CHRND: variants seen among roughly 807,000 people sequenced by gnomAD.
CHRND encodes cholinergic receptor nicotinic delta subunit.
In CHRND, 40 loss-of-function variants were observed where a neutral mutation model predicts 57.8. The ratio of observed to expected loss-of-function variants is 0.69; its 90% CI spans 0.54 to 0.90. The LOEUF (loss-of-function observed/expected upper bound fraction) is 0.90, where lower values mean the gene tolerates loss of function less well. Among genes scored for constraint, CHRND ranks in the 40% least tolerant of loss-of-function variants. The pLI, the probability that CHRND is intolerant of heterozygous loss-of-function variation, is 0.00. For synonymous variants in CHRND, 237 were observed against 270.6 expected (o/e 0.88, Z 1.22); for missense variants, 634 against 673.9 (o/e 0.94, Z 0.66).
At chr2:232,528,448 C>G in intron 4 of CHRND, 53 bp from the exon 5 acceptor site, 6 of 1,614,020 alleles carry the variant, frequency 3.7e-6, no homozygotes, top group Non-Finnish European at 5.1e-6. Context: ...TCCCCCAACT[C>G]TGCCAGTCGT....
At chr2:232,530,257 C>G (rs927227913) in intron 7 of CHRND, 118 bp downstream of exon 7, 11 of 1,086,596 alleles carry the variant, frequency 1.0e-5, no homozygotes, top group African/African-American at 9.3e-5. Flanking sequence ...ATTCCTGGAG[C>G]TCCCTGCCTG....
chr2:232,535,838 C>G lies in CHRND; in HGVS notation c.*526C>G, dbSNP rs1293537594. The stretch of plus-strand genomic sequence containing the variant: ...CTTTCCTAGCTCTTTCTGCCTTGAC[C>G]TCTCTGCCTAGGTCCCTTTGGGAAG... On this transcript the variant is annotated 3_prime_UTR_variant, in exon 12 of 12. Transcript: ENST00000258385. 2.2e-6 allele frequency: 1 copy of G among 454,176 alleles called. No homozygotes were observed. Among genetic ancestry groups the G allele is most frequent in the East Asian group, 7.0e-5 (1 of 14,382 alleles). The allele number at this position is 454,176 out of a possible 1,614,324, so 28.1% of individuals were successfully genotyped here.
chr2:232,529,784 C>T (rs911621593), intron 6 of CHRND, among the ~76,000 whole-genome samples, 155 bp from the exon 7 acceptor site: 4 of 152,176 alleles, frequency 2.6e-5, no homozygotes, highest in African/African-American at 9.7e-5. Flanking sequence ...TCCATCCCGA[C>T]CCCCCAGGGA....
At chr2:232,527,171 G>T (rs4973536) in intron 2 of CHRND, among the ~76,000 whole-genome samples, 5 of 151,786 alleles carry the variant, frequency 3.3e-5, no homozygotes, top group Non-Finnish European at 5.9e-5. Context: ...TGATGGTGTG[G>T]GCCTATAATC....
rs1691789185 is a variant in CHRND, at chr2:232,533,793, C to T, written c.1048-138C>T. 3.4e-6 allele frequency: 3 copies of T among 879,866 alleles called. No homozygotes were observed. In the African/African-American group the frequency reaches 4.9e-5, roughly 14 times the overall value. The allele number at this position is 879,866 out of a possible 1,614,324, so 54.5% of individuals were successfully genotyped here. A position where few individuals can be genotyped will look rare whatever the true frequency, so the allele number is the denominator to read the frequency against. On this transcript the variant is annotated intron_variant, in intron 9 of 11. Coordinates refer to ENST00000258385, the MANE Select transcript of CHRND (RefSeq NM_000751.3). ...CTTGGGAGACTGAGGCAAGAAATCA[C>T]TTGAACCCGAGAGGTGGAGGTTGCA... is the stretch of plus-strand genomic sequence containing the variant.
At chr2:232,531,685 A>C in intron 9 of CHRND, 29 bp downstream of exon 9, 17 of 1,575,948 alleles carry the variant, frequency 1.1e-5, no homozygotes, top group Non-Finnish European at 1.5e-5. Flanking sequence ...GCAAAAGCTC[A>C]CCACTGTAAT....
chr2:232,527,668 C>G lies in CHRND; in HGVS notation c.243+223C>G, dbSNP rs1015617731. Among the ~76,000 whole-genome samples, 2 of 152,168 alleles carry G rather than the reference C, an allele frequency of 1.3e-5. 1 individual carries two copies. On this transcript the variant is annotated intron_variant, in intron 3 of 11. Coordinates refer to ENST00000258385, the MANE Select transcript of CHRND (RefSeq NM_000751.3). ...CTGAGGCAGGAGAATGGTGTGAACG[C>G]AGGAGGCGGAGCTTGCAGTGAGCCG...
At position 232,526,168 on chromosome 2, in the gene CHRND, G is replaced by C; in HGVS notation, c.-48G>C. 4 of 1,284,482 alleles carry C rather than the reference G, an allele frequency of 3.1e-6. No homozygotes were observed. Among genetic ancestry groups the C allele is most frequent in the Non-Finnish European group, 4.5e-6 (4 of 897,142 alleles). 79.6% of individuals were successfully genotyped at this position (1,284,482 alleles called of 1,614,324 possible). On this transcript the variant is annotated 5_prime_UTR_variant, in exon 1 of 12. Transcript: ENST00000258385. Reference sequence around the variant, plus strand: ...CTCTCCCGCCCACCCTCATTCCACAGCCCTGTAGACAGGAGGGGCAGATGC... The same window carrying C: ...CTCTCCCGCCCACCCTCATTCCACACCCCTGTAGACAGGAGGGGCAGATGC...
chr2:232,531,832 T>G (rs1432255423), intron 9 of CHRND, among the ~76,000 whole-genome samples, 176 bp downstream of exon 9: 1 of 150,138 alleles, frequency 6.7e-6, no homozygotes, highest in Non-Finnish European at 1.5e-5. Context: ...ATGCTTGTAT[T>G]CCCAGCTACT....
In CHRND at chr2:232,536,166, G is replaced by C. The variant is rs2106216872; in HGVS notation, c.*854G>C. 1 of 454,164 alleles carries C rather than the reference G, an allele frequency of 2.2e-6. No individual in the cohort carries two copies. The highest frequency in any genetic ancestry group is 1.6e-5 in the South Asian group (1 of 64,476). The allele number at this position is 454,164 out of a possible 1,614,324, so 28.1% of individuals were successfully genotyped here. A position where few individuals can be genotyped will look rare whatever the true frequency, so the allele number is the denominator to read the frequency against. ...CTGAGGGCCAAAGGCCAAGGCTGCAGGAATTGGGAGACAAGGGTCTGTTTG... is the reference window on the plus strand; with the variant it reads ...CTGAGGGCCAAAGGCCAAGGCTGCACGAATTGGGAGACAAGGGTCTGTTTG... On this transcript the variant is annotated 3_prime_UTR_variant, in exon 12 of 12. Coordinates refer to ENST00000258385, the MANE Select transcript of CHRND (RefSeq NM_000751.3).
At chr2:232,531,924 G>A (rs1374300049) in intron 9 of CHRND, among the ~76,000 whole-genome samples, 1 of 127,328 alleles carries the variant, frequency 7.9e-6, no homozygotes, top group Non-Finnish European at 1.6e-5. Context: ...TCCAGCCTGG[G>A]CAACAGAGTG....
intron 7 of CHRND, 88 bp from the exon 8 acceptor site, chr2:232,531,264 G>T (rs548284269): frequency 4.2e-6 from 4 of 953,124 alleles, no homozygotes; most frequent in Non-Finnish European, 6.9e-6. Flanking sequence ...GGGCCACAGC[G>T]GGACCCTCTA....
Position 232,531,661 on chromosome 2 carries a change from G to A in CHRND, c.1047+5G>A, listed in dbSNP as rs780881475. The A allele has an allele frequency of 1.2e-6, 2 of 1,609,502 alleles. No homozygotes were observed. Among genetic ancestry groups the A allele is most frequent in the Admixed American group, 1.7e-5 (1 of 60,014 alleles). On this transcript the variant is annotated splice_donor_5th_base_variant and intron_variant, in intron 9 of 11. Coordinates refer to ENST00000258385, the MANE Select transcript of CHRND (RefSeq NM_000751.3). The stretch of plus-strand genomic sequence containing the variant: ...CTGTCTGAGGGGGTCAAGAAGGTGA[G>A]TACTTGGCCCGGCGCAAAAGCTCAC...
intron 3 of CHRND, 31 bp downstream of exon 3, chr2:232,527,476 G>T: frequency 6.3e-7 from 1 of 1,579,986 alleles, no homozygotes; most frequent in South Asian, 1.1e-5. Flanking sequence ...CGGGCGCAGT[G>T]GCTCATGCCT....
Position 232,534,232 on chromosome 2 carries a change from C to G in CHRND, c.1261C>G (p.Pro421Ala). ...TGGCCCCTCGTCTGTAGGCCGGCCC[C>G]CAGCAAGCTCTGAGCAGGCCCAGCA... Reference protein sequence around the residue: ...ARRLTTARRPPASSEQAQQEL... With the variant: ...ARRLTTARRPAASSEQAQQEL... The change falls in exon 11 of 12, where the codon CCA becomes GCA. Residue 421 changes from proline to alanine, a missense_variant. Coordinates refer to ENST00000258385, the MANE Select transcript of CHRND (RefSeq NM_000751.3). 1 of 1,614,190 alleles carries G rather than the reference C, an allele frequency of 6.2e-7. No individual in the cohort carries two copies. The highest frequency in any genetic ancestry group is 8.5e-7 in the Non-Finnish European group (1 of 1,180,034).
chr2:232,528,425 A>G, intron 4 of CHRND, 54 bp downstream of exon 4: 4 of 1,613,506 alleles, frequency 2.5e-6, no homozygotes, highest in Non-Finnish European at 3.4e-6. Flanking sequence ...CCTTTCCTTA[A>G]GCCTCCTCTG....
intron 9 of CHRND, among the ~76,000 whole-genome samples, chr2:232,532,236 G>A (rs1691729723): frequency 6.6e-6 from 1 of 152,048 alleles, no homozygotes; most frequent in African/African-American, 2.4e-5. Context: ...GGGTGGCTGA[G>A]GCGGGTGGAT....
intron 9 of CHRND, among the ~76,000 whole-genome samples, chr2:232,533,071 A>C (rs1691765000): frequency 6.6e-6 from 1 of 151,962 alleles, no homozygotes; most frequent in Non-Finnish European, 1.5e-5. Context: ...CCCAGGCTGG[A>C]GTGCAGTGGT....
rs1468893310 is a variant in CHRND, at chr2:232,535,174, C to CT, written c.1417dup (p.Cys473LeufsTer100). 2.2e-5 allele frequency: 36 copies of CT among 1,614,116 alleles called. No homozygotes were observed. The highest frequency in any genetic ancestry group is 2.9e-5 in the Non-Finnish European group (34 of 1,180,046). On this transcript the variant is annotated frameshift_variant, in exon 12 of 12. Coordinates refer to ENST00000258385, the MANE Select transcript of CHRND (RefSeq NM_000751.3). LOFTEE classifies it high-confidence loss of function. ...GAGTGGCCCGCACAGTGGACCGCCT[C>CT]TGCCTGTTTGTGGTGACGCCTGTCA... is the stretch of plus-strand genomic sequence containing the variant.
Sources: gnomAD v4.1 joint callset for allele counts (sites outside exome capture counted in the v4.1 genomes callset) on GRCh38, gnomAD v4.1.1 for gene constraint, MANE v1.5 for transcripts, NCBI Gene and HGNC (gene_info 2026-07-23, HGNC 2026-07-21) for gene names.